ADCY8: variants seen among roughly 807,000 people sequenced by gnomAD.
ADCY8 encodes the protein adenylate cyclase 8.
In ADCY8, 51 loss-of-function variants were observed where a neutral mutation model predicts 119.7. That is an observed-to-expected ratio of 0.43 (90% CI 0.34 to 0.54). The LOEUF (loss-of-function observed/expected upper bound fraction) is 0.54, where lower values mean the gene tolerates loss of function less well. ADCY8 is among the 20% of genes least tolerant of loss of function. ADCY8 has a pLI of 0.03. For synonymous variants in ADCY8, 665 were observed against 651.0 expected (o/e 1.02, Z -0.33); for missense variants, 1,383 against 1,598.8 (o/e 0.87, Z 2.30).
At chr8:130,884,340 C>T (rs761616336) in intron 8 of ADCY8, among the ~76,000 whole-genome samples, 1 of 152,134 alleles carries the variant, frequency 6.6e-6, no homozygotes, top group African/African-American at 2.4e-5. Context: ...GTCTTCTTTT[C>T]CTTAAAGAGC....
intron 1 of ADCY8, chr8:130,990,780 C>T: frequency 2.7e-6 from 1 of 375,124 alleles, no homozygotes. Context: ...CAGGTTTAGA[C>T]TGGAGTCTTC....
chr8:130,927,091 A>C (rs767421269), intron 5 of ADCY8, among the ~76,000 whole-genome samples: 1 of 152,090 alleles, frequency 6.6e-6, no homozygotes, highest in Non-Finnish European at 1.5e-5. Flanking sequence ...TACAGATTTC[A>C]TTTCCTTTGC....
intron 1 of ADCY8, among the ~76,000 whole-genome samples, chr8:131,015,200 T>C (rs1823432503): frequency 6.6e-6 from 1 of 152,208 alleles, no homozygotes; most frequent in Non-Finnish European, 1.5e-5. Flanking sequence ...AGAAGAAATC[T>C]CTCACTTGCC....
intron 1 of ADCY8, among the ~76,000 whole-genome samples, chr8:131,011,844 G>A (rs1823316767): frequency 6.6e-6 from 1 of 152,164 alleles, no homozygotes; most frequent in East Asian, 1.9e-4. Flanking sequence ...GCACCCTGGT[G>A]AGGGTGCAGC....
At chr8:130,826,470 C>T (rs1434879964) in intron 12 of ADCY8, among the ~76,000 whole-genome samples, 1 of 152,072 alleles carries the variant, frequency 6.6e-6, no homozygotes, top group African/African-American at 2.4e-5. Context: ...TCTGCCTGTG[C>T]CAATTTTCTT....
chr8:131,040,625 G>A lies in ADCY8; in HGVS notation c.-292C>T. 1 of 300,628 alleles carries A rather than the reference G, an allele frequency of 3.3e-6. No homozygotes were observed. The highest frequency in any genetic ancestry group is 6.1e-6 in the Non-Finnish European group (1 of 164,818). The allele number at this position is 300,628 out of a possible 1,614,324, so 18.6% of individuals were successfully genotyped here. ...CAGTGGCTATTTGTCCTCAGGAGCC[G>A]CAGCGCTGTGAGCCACGCAGCCCCT... On this transcript the variant is annotated 5_prime_UTR_variant, in exon 1 of 18. Coordinates refer to ENST00000286355, the MANE Select transcript of ADCY8 (RefSeq NM_001115.3).
intron 3 of ADCY8, chr8:130,949,516 G>T (rs1821210149): frequency 6.6e-6 from 1 of 152,042 alleles, no homozygotes; most frequent in Admixed American, 6.5e-5. Flanking sequence ...AAGCCATTTT[G>T]CCACCAGGGA....
At position 131,024,956 on chromosome 8, in the gene ADCY8, T is replaced by G. The variant is rs117966415; in HGVS notation, c.960+14418A>C. Among the ~76,000 whole-genome samples, 430 of 152,336 alleles carry G rather than the reference T, an allele frequency of 2.8e-3. 2 individuals are homozygous for G. The highest frequency in any genetic ancestry group is 5.1e-3 in the Non-Finnish European group (347 of 68,026). On this transcript the variant is annotated intron_variant, in intron 1 of 17. Transcript: ENST00000286355. ...TGGGGAAAGCATACCAATCCCCACA[T>G]GCACATTCATTATAACTCATGGAAT... is the stretch of plus-strand genomic sequence containing the variant.
intron 9 of ADCY8, among the ~76,000 whole-genome samples, chr8:130,853,946 C>A (rs933551517): frequency 6.6e-6 from 1 of 152,122 alleles, no homozygotes. Context: ...TAAACAAAGT[C>A]ATAAAGTAGT....
chr8:130,895,263 A>G (rs1160341847), intron 7 of ADCY8, among the ~76,000 whole-genome samples: 6 of 152,108 alleles, frequency 3.9e-5, no homozygotes, highest in East Asian at 1.9e-4. Context: ...CAATGACTCA[A>G]TATCTCATAA....
intron 9 of ADCY8, among the ~76,000 whole-genome samples, chr8:130,852,532 A>C (rs1163478195): frequency 6.6e-6 from 1 of 152,172 alleles, no homozygotes; most frequent in Non-Finnish European, 1.5e-5. Context: ...TGCAAGGCTC[A>C]TGTGGCTCAT....
intron 15 of ADCY8, among the ~76,000 whole-genome samples, chr8:130,790,639 G>A (rs1212723562): frequency 1.3e-5 from 2 of 152,174 alleles, no homozygotes; most frequent in Non-Finnish European, 2.9e-5. Context: ...GGCACAGACA[G>A]GTCACAGATG....
Position 130,951,819 on chromosome 8 carries a change from A to G in ADCY8, c.1241+49T>C, listed in dbSNP as rs775569043. ...ACGGAAGTGCAATGAGAGCACCCAA[A>G]CACACATGGATCATGCAAGAGCCGG... On this transcript the variant is annotated intron_variant, in intron 3 of 17. Transcript: ENST00000286355. 2.5e-6 allele frequency: 4 copies of G among 1,604,892 alleles called. No individual in the cohort carries two copies. The Admixed American group carries it at 6.7e-5, about 27-fold the overall frequency.
intron 5 of ADCY8, among the ~76,000 whole-genome samples, chr8:130,935,957 G>A (rs1451223582): frequency 1.3e-5 from 2 of 152,092 alleles, no homozygotes; most frequent in Non-Finnish European, 2.9e-5. Flanking sequence ...TAAAGACAGT[G>A]GTTTTCAAGG....
At chr8:130,887,775 A>G (rs1819042140) in intron 7 of ADCY8, among the ~76,000 whole-genome samples, 1 of 152,090 alleles carries the variant, frequency 6.6e-6, no homozygotes, top group Admixed American at 6.6e-5. Flanking sequence ...TATCTGTGAT[A>G]CCCCTCTATC....
At chr8:130,859,159 G>GGAAAT (rs1817845732) in intron 9 of ADCY8, among the ~76,000 whole-genome samples, 1 of 152,094 alleles carries the variant, frequency 6.6e-6, no homozygotes, top group South Asian at 2.1e-4. Context: ...GACAGAGGAA[G>GGAAAT]GAAATGTATG....
At chr8:130,875,204 C>G (rs1254006499) in intron 8 of ADCY8, among the ~76,000 whole-genome samples, 1 of 152,120 alleles carries the variant, frequency 6.6e-6, no homozygotes, top group Non-Finnish European at 1.5e-5. Context: ...ATAAAGGAGT[C>G]TTATAAGGCT....
intron 5 of ADCY8, among the ~76,000 whole-genome samples, chr8:130,918,784 G>A (rs757246908): frequency 2.2e-4 from 33 of 152,262 alleles, no homozygotes; most frequent in African/African-American, 3.1e-4. Context: ...TATCCTGGCC[G>A]GGCACGGTGG....
intron 14 of ADCY8, among the ~76,000 whole-genome samples, chr8:130,802,370 C>T (rs1815808103): frequency 6.6e-6 from 1 of 152,134 alleles, no homozygotes. Flanking sequence ...CGGGCTCTTC[C>T]CATTTTCCTT....
Sources: allele counts gnomAD v4.1 joint callset (sites outside exome capture counted in the v4.1 genomes callset), GRCh38; gene constraint gnomAD v4.1.1; transcripts MANE v1.5; gene names NCBI Gene and HGNC (gene_info 2026-07-23, HGNC 2026-07-21).